CNOT2: variants seen among roughly 807,000 people sequenced by gnomAD.
CNOT2 encodes the protein CCR4-NOT transcription complex subunit 2, also known as CC chemokine receptor 4-negative regulator of transcription 2.
CNOT2 carries 7 observed loss-of-function variants against 72.1 expected under a neutral mutation model. The observed-to-expected ratio is 0.10, with a 90% CI of 0.06 to 0.18. CNOT2 has a LOEUF of 0.18. Among genes scored for constraint, CNOT2 ranks in the 10% least tolerant of loss-of-function variants. The pLI is 1.00. For missense variants in CNOT2, 345 were observed against 660.3 expected (o/e 0.52, Z 5.23); for synonymous variants, 196 against 225.6 (o/e 0.87, Z 1.17).
At chr12:70,264,448 C>T (rs1046411973) in intron 1 of CNOT2, among the ~76,000 whole-genome samples, 7 of 152,206 alleles carry the variant, frequency 4.6e-5, no homozygotes, top group African/African-American at 1.4e-4. Flanking sequence ...AGCAGAATCT[C>T]TGAGCCACTA....
At chr12:70,244,652 A>G (rs1957790035) in intron 1 of CNOT2, among the ~76,000 whole-genome samples, 1 of 152,172 alleles carries the variant, frequency 6.6e-6, no homozygotes, top group South Asian at 2.1e-4. Context: ...ACTGAGTGCA[A>G]CATATTTTGT....
intron 1 of CNOT2, among the ~76,000 whole-genome samples, chr12:70,253,886 T>G (rs1224323504): frequency 6.6e-6 from 1 of 152,138 alleles, no homozygotes; most frequent in African/African-American, 2.4e-5. Flanking sequence ...TATACATACA[T>G]ACCTATGATA....
chr12:70,314,919 A>C (rs1253049491), intron 3 of CNOT2, among the ~76,000 whole-genome samples: 1 of 152,006 alleles, frequency 6.6e-6, no homozygotes, highest in Admixed American at 6.6e-5. Context: ...GCTGGAGTGT[A>C]ATGGCACGAT....
intron 2 of CNOT2, among the ~76,000 whole-genome samples, chr12:70,302,174 T>G (rs1273089211): frequency 6.6e-6 from 1 of 152,210 alleles, no homozygotes; most frequent in African/African-American, 2.4e-5. Flanking sequence ...AGCTCCTGGA[T>G]TCATTAATTT....
At chr12:70,303,208 C>G (rs1874442887) in intron 2 of CNOT2, among the ~76,000 whole-genome samples, 1 of 152,086 alleles carries the variant, frequency 6.6e-6, no homozygotes, top group Non-Finnish European at 1.5e-5. Context: ...AGCATATAGC[C>G]CGTTCACATT....
At chr12:70,262,342 C>T (rs373532027) in intron 1 of CNOT2, among the ~76,000 whole-genome samples, 4 of 152,222 alleles carry the variant, frequency 2.6e-5, no homozygotes, top group East Asian at 1.9e-4. Flanking sequence ...GGCGCAATCT[C>T]GGCTCACTGC....
At chr12:70,256,899 G>C (rs919282703) in intron 1 of CNOT2, among the ~76,000 whole-genome samples, 1 of 152,086 alleles carries the variant, frequency 6.6e-6, no homozygotes, top group Non-Finnish European at 1.5e-5. Flanking sequence ...GAGTAGACAT[G>C]GTAATTTGTA....
intron 2 of CNOT2, among the ~76,000 whole-genome samples, chr12:70,286,089 T>A (rs1212578126): frequency 7.4e-6 from 1 of 134,264 alleles, no homozygotes; most frequent in Non-Finnish European, 1.7e-5. Flanking sequence ...AACCAGGAAA[T>A]CTCAGTAAAT....
At chr12:70,247,045 C>T (rs1957909277) in intron 1 of CNOT2, among the ~76,000 whole-genome samples, 1 of 152,010 alleles carries the variant, frequency 6.6e-6, no homozygotes, top group Non-Finnish European at 1.5e-5. Flanking sequence ...GGAAATTTTT[C>T]CTTTTCTGGG....
rs788379 is a variant in CNOT2, at chr12:70,349,619, T to C, written c.1536+3295T>C. Among the ~76,000 whole-genome samples, 1,463 of 152,288 alleles carry C rather than the reference T, an allele frequency of 9.6e-3. 25 individuals carry two copies. The highest frequency in any genetic ancestry group is 0.033 in the African/African-American group (1,374 of 41,566). On this transcript the variant is annotated intron_variant, in intron 15 of 15. Transcript: ENST00000229195. ...GATAATCTAAACCAGAAGTATTTCT[T>C]ATCCTCTAAAAATTTTGTGACCCTG...
At chr12:70,269,275 CT>C (rs369996194) in intron 1 of CNOT2, among the ~76,000 whole-genome samples, 15,308 of 140,948 alleles carry the variant, frequency 0.11, 902 homozygotes, top group Middle Eastern at 0.21. Context: ...CGCTCTGAAG[CT>C]TTTTTTTTTT....
At chr12:70,319,451 G>A (rs1042649513) in intron 4 of CNOT2, 87 bp downstream of exon 4, 5 of 1,307,932 alleles carry the variant, frequency 3.8e-6, no homozygotes, top group African/African-American at 2.9e-5. Context: ...TACTTCCTTT[G>A]TGGGTTTATT....
At chr12:70,337,638 C>A in intron 9 of CNOT2, 125 bp downstream of exon 9, 1 of 979,676 alleles carries the variant, frequency 1.0e-6, no homozygotes, top group Non-Finnish European at 1.5e-6. Flanking sequence ...AATAACCTAA[C>A]TTCTGAAGAA....
intron 1 of CNOT2, among the ~76,000 whole-genome samples, chr12:70,277,729 G>A (rs1306752697): frequency 6.6e-6 from 1 of 152,050 alleles, no homozygotes; most frequent in Non-Finnish European, 1.5e-5. Flanking sequence ...TCATTTGGAG[G>A]GGAAGGATTT....
At chr12:70,302,621 G>C (rs1874263653) in intron 2 of CNOT2, among the ~76,000 whole-genome samples, 1 of 152,194 alleles carries the variant, frequency 6.6e-6, no homozygotes, top group Non-Finnish European at 1.5e-5. Flanking sequence ...TTGCTGAGGA[G>C]TGCTTTACTT....
intron 2 of CNOT2, among the ~76,000 whole-genome samples, chr12:70,284,071 A>G (rs1303940557): frequency 6.7e-6 from 1 of 149,876 alleles, no homozygotes; most frequent in Non-Finnish European, 1.5e-5. Flanking sequence ...CCTCCTGAGT[A>G]GCTGGGATTA....
intron 2 of CNOT2, among the ~76,000 whole-genome samples, chr12:70,298,409 C>T (rs4761135): frequency 0.7 from 106,873 of 152,056 alleles, 37,878 homozygotes; most frequent in East Asian, 0.94. Flanking sequence ...AGGGGGACTC[C>T]AGCAAATTGG....
intron 6 of CNOT2, chr12:70,331,655 T>C (rs982691798): frequency 6.6e-6 from 1 of 152,010 alleles, no homozygotes; most frequent in Non-Finnish European, 1.5e-5. Context: ...GTACCTGTAA[T>C]AGCATCAGCA....
chr12:70,275,725 TAA>T (rs1357816624), intron 1 of CNOT2, among the ~76,000 whole-genome samples: 4 of 152,136 alleles, frequency 2.6e-5, no homozygotes, highest in Non-Finnish European at 4.4e-5. Context: ...GTATAAACCT[TAA>T]TAAATTTTGG....
Sources: allele counts gnomAD v4.1 joint callset (sites outside exome capture counted in the v4.1 genomes callset), GRCh38; gene constraint gnomAD v4.1.1; transcripts MANE v1.5; gene names NCBI Gene and HGNC (gene_info 2026-07-23, HGNC 2026-07-21).